Variants in CNTNAP5 observed in about 807,000 individuals in gnomAD.
CNTNAP5 encodes contactin-associated protein-like 5.
A neutral mutation model predicts 150.2 loss-of-function variants in CNTNAP5; 72 were observed. The ratio of observed to expected loss-of-function variants is 0.48; its 90% confidence interval spans 0.40 to 0.58. The LOEUF is 0.58. Ranked by LOEUF, CNTNAP5 falls within the 20% of genes least tolerant of loss-of-function variation. The pLI, the probability that CNTNAP5 is intolerant of heterozygous loss-of-function variation, is 0.00. For missense variants in CNTNAP5, 1,636 were observed against 1,626.2 expected (o/e 1.01, Z -0.10); for synonymous variants, 672 against 619.8 (o/e 1.08, Z -1.25).
intron 13 of CNTNAP5, among the ~76,000 whole-genome samples, chr2:124,721,337 G>C (rs1573572779): frequency 1.3e-5 from 2 of 151,994 alleles, no homozygotes; most frequent in East Asian, 1.9e-4. Context: ...AACTAGCCAG[G>C]CGTGGTGGCA....
In CNTNAP5 at chr2:124,914,046, G is replaced by T; in HGVS notation, c.3728-46G>T. ...AGGGAATCCACTCTCCTGAGCAGATGACTCATGACGATTTCCTTCTCTCTT... is the reference window on the plus strand; with the variant it reads ...AGGGAATCCACTCTCCTGAGCAGATTACTCATGACGATTTCCTTCTCTCTT... On this transcript the variant is annotated intron_variant, in intron 23 of 23. Coordinates refer to ENST00000682447, the MANE Select transcript of CNTNAP5 (RefSeq NM_001367498.1). 2.1e-6 allele frequency: 3 copies of T among 1,425,672 alleles called. No homozygotes were observed. The South Asian group carries it at 3.6e-5, about 17-fold the overall frequency. The allele number at this position is 1,425,672 out of a possible 1,614,324, so 88.3% of individuals were successfully genotyped here.
intron 21 of CNTNAP5, among the ~76,000 whole-genome samples, chr2:124,887,096 C>T (rs940436484): frequency 2.0e-5 from 3 of 151,934 alleles, no homozygotes; most frequent in Admixed American, 2.0e-4. Flanking sequence ...GTTAAGTGGA[C>T]CCTGAAATCT....
At chr2:124,899,024 G>C (rs1014470455) in intron 21 of CNTNAP5, among the ~76,000 whole-genome samples, 7 of 151,310 alleles carry the variant, frequency 4.6e-5, no homozygotes, top group Non-Finnish European at 2.9e-5. Flanking sequence ...GCTGACAGTA[G>C]ATTTTAAGTT....
intron 13 of CNTNAP5, among the ~76,000 whole-genome samples, chr2:124,653,835 T>C (rs1292120691): frequency 6.9e-6 from 1 of 143,898 alleles, no homozygotes. Flanking sequence ...GGAGTGAAAA[T>C]AAAACACTGA....
Position 124,686,339 on chromosome 2 carries a change from ATGACACTTATT to A in CNTNAP5, c.2077+38385_2077+38395del, listed in dbSNP as rs1474889735. Among the ~76,000 whole-genome samples the A allele has an allele frequency of 2.0e-5, 3 of 152,156 alleles. No homozygotes were observed. The East Asian group carries it at 5.8e-4, about 29-fold the overall frequency. On this transcript the variant is annotated intron_variant, in intron 13 of 23. Coordinates refer to ENST00000682447, the MANE Select transcript of CNTNAP5 (RefSeq NM_001367498.1). Reference sequence around the variant, plus strand: ...TCTCAAGAAAGATTTAAAGGACAACATGACACTTATTTGAACAGCAGAATTCTGGAAGCAAA... The same window carrying A: ...TCTCAAGAAAGATTTAAAGGACAACATGAACAGCAGAATTCTGGAAGCAAA...
At chr2:124,244,315 C>G (rs1302755180) in intron 3 of CNTNAP5, among the ~76,000 whole-genome samples, 3 of 152,056 alleles carry the variant, frequency 2.0e-5, no homozygotes, top group Admixed American at 2.0e-4. Context: ...GCCCCTGTGC[C>G]CGGTATCACT....
chr2:124,146,919 C>T (rs1684267748), intron 1 of CNTNAP5, among the ~76,000 whole-genome samples: 1 of 152,170 alleles, frequency 6.6e-6, no homozygotes, highest in East Asian at 1.9e-4. Context: ...CCAAATATGC[C>T]AGTCTCTTCC....
intron 12 of CNTNAP5, among the ~76,000 whole-genome samples, chr2:124,627,757 A>AT (rs1558710466): frequency 6.6e-6 from 1 of 152,208 alleles, no homozygotes; most frequent in Non-Finnish European, 1.5e-5. Context: ...AGTGGGTAAT[A>AT]ATAAACATCA....
intron 10 of CNTNAP5, among the ~76,000 whole-genome samples, chr2:124,530,750 G>T (rs1005262033): frequency 6.6e-6 from 1 of 152,128 alleles, no homozygotes; most frequent in Non-Finnish European, 1.5e-5. Context: ...CACACACTGT[G>T]CCCTGTTCAC....
At chr2:124,564,900 C>A (rs557604668) in intron 11 of CNTNAP5, among the ~76,000 whole-genome samples, 1 of 152,218 alleles carries the variant, frequency 6.6e-6, no homozygotes, top group South Asian at 2.1e-4. Flanking sequence ...AAGAGTGCAG[C>A]CAACGCCTGG....
chr2:124,911,135 A>G (rs2104768415), intron 22 of CNTNAP5, among the ~76,000 whole-genome samples: 1 of 151,874 alleles, frequency 6.6e-6, no homozygotes, highest in East Asian at 2.0e-4. Context: ...GGCATCATGC[A>G]TAGGAATAGG....
rs1320183364 is a variant in CNTNAP5 at position 124,916,697 on chromosome 2, T to G, written c.*2409T>G. ...ATTGTCCTGTAGGATGAAGAATCTG[T>G]GAAGCTCTATCCTGACCACAATGGC... On this transcript the variant is annotated 3_prime_UTR_variant, in exon 24 of 24. Transcript: ENST00000682447. 1.3e-5 allele frequency among the ~76,000 whole-genome samples: 2 copies of G among 152,164 alleles called. No individual in the cohort carries two copies. The highest frequency in any genetic ancestry group is 3.9e-4 in the East Asian group (2 of 5,156).
intron 13 of CNTNAP5, among the ~76,000 whole-genome samples, chr2:124,706,391 A>G (rs1440768696): frequency 6.6e-6 from 1 of 152,010 alleles, no homozygotes; most frequent in Admixed American, 6.6e-5. Context: ...TAATATGTGT[A>G]TTTTCTCCCA....
chr2:124,446,231 T>C (rs1692812207), intron 5 of CNTNAP5, among the ~76,000 whole-genome samples: 1 of 152,198 alleles, frequency 6.6e-6, no homozygotes, highest in African/African-American at 2.4e-5. Flanking sequence ...GGATTAAAGA[T>C]GAAAGTTATT....
intron 13 of CNTNAP5, among the ~76,000 whole-genome samples, chr2:124,708,084 G>A (rs945053806): frequency 6.6e-6 from 1 of 152,120 alleles, no homozygotes; most frequent in African/African-American, 2.4e-5. Flanking sequence ...TTTACAACTA[G>A]GCTTATGATG....
At chr2:124,822,329 C>T (rs531991895) in intron 19 of CNTNAP5, among the ~76,000 whole-genome samples, 1 of 152,236 alleles carries the variant, frequency 6.6e-6, no homozygotes, top group East Asian at 1.9e-4. Flanking sequence ...AATTCTTCAC[C>T]TTCCTTCATT....
chr2:124,435,667 C>A (rs1241285161), intron 5 of CNTNAP5, among the ~76,000 whole-genome samples: 4 of 152,058 alleles, frequency 2.6e-5, no homozygotes. Flanking sequence ...TAATTTGTAA[C>A]CCTAAGTTGC....
intron 1 of CNTNAP5, among the ~76,000 whole-genome samples, chr2:124,218,542 G>A (rs1157130860): frequency 6.6e-6 from 1 of 152,116 alleles, no homozygotes; most frequent in East Asian, 1.9e-4. Context: ...ATGAGGAAAG[G>A]GCTGCTGAAA....
rs72980457 is a variant in CNTNAP5, at chr2:124,796,773, A to G, written c.2993-1323A>G. Reference sequence around the variant, plus strand: ...GAACATTCCATATGCCATTTAGGGCAAAGGGAAATTAATCATGCCAATATG... The same window carrying G: ...GAACATTCCATATGCCATTTAGGGCGAAGGGAAATTAATCATGCCAATATG... On this transcript the variant is annotated intron_variant, in intron 18 of 23. Coordinates refer to ENST00000682447, the MANE Select transcript of CNTNAP5 (RefSeq NM_001367498.1). Among the ~76,000 whole-genome samples the G allele has an allele frequency of 6.6e-3, 998 of 152,330 alleles. 16 individuals carry two copies. Among genetic ancestry groups the G allele is most frequent in the African/African-American group, 0.023 (950 of 41,580 alleles).
Sources: gnomAD v4.1 joint callset for allele counts (sites outside exome capture counted in the v4.1 genomes callset) on GRCh38, gnomAD v4.1.1 for gene constraint, MANE v1.5 for transcripts, NCBI Gene and HGNC (gene_info 2026-07-23, HGNC 2026-07-21) for gene names.